Variants in PRKD1 observed in about 807,000 individuals in gnomAD.
PRKD1 encodes the protein protein kinase D1.
Under a neutral mutation model 95.9 loss-of-function variants are expected in PRKD1, and 63 were observed. That is an observed-to-expected ratio of 0.66 (90% CI 0.54 to 0.81). PRKD1 has a LOEUF of 0.81. PRKD1 is among the 30% of genes least tolerant of loss of function. The pLI is 0.00. For missense variants in PRKD1, 1,048 were observed against 1,165.3 expected, an observed-to-expected ratio of 0.90 and a Z score of 1.47; for synonymous variants, 425 against 423.1, an observed-to-expected ratio of 1.00 and a Z score of -0.05.
intron 1 of PRKD1, among the ~76,000 whole-genome samples, chr14:29,844,412 T>G (rs1594571101): frequency 6.6e-6 from 1 of 152,264 alleles, no homozygotes; most frequent in East Asian, 1.9e-4. Context: ...TAAGACAAAA[T>G]AATTGTCTAA....
intron 1 of PRKD1, among the ~76,000 whole-genome samples, chr14:29,772,808 T>G (rs1422367698): frequency 6.6e-6 from 1 of 152,226 alleles, no homozygotes; most frequent in Non-Finnish European, 1.5e-5. Flanking sequence ...CCCATTTCTC[T>G]ATTATCTCCT....
chr14:29,919,722 G>A (rs985269318), intron 1 of PRKD1, among the ~76,000 whole-genome samples: 2 of 145,636 alleles, frequency 1.4e-5, no homozygotes, highest in African/African-American at 2.8e-5. Flanking sequence ...TAGCACTTTG[G>A]AAGGCCGAAG....
intron 2 of PRKD1, among the ~76,000 whole-genome samples, chr14:29,714,414 T>C (rs977200799): frequency 6.6e-6 from 1 of 152,160 alleles, no homozygotes; most frequent in Non-Finnish European, 1.5e-5. Context: ...TGAGATACCA[T>C]CTCACACCAG....
chr14:29,634,651 C>T (rs1356793383), intron 7 of PRKD1, 110 bp from the exon 8 acceptor site: 3 of 1,403,956 alleles, frequency 2.1e-6, no homozygotes, highest in East Asian at 2.3e-5. Context: ...ACAAAATTCA[C>T]ATCTCATGTT....
At chr14:29,837,588 G>A (rs1304526253) in intron 1 of PRKD1, among the ~76,000 whole-genome samples, 13 of 152,150 alleles carry the variant, frequency 8.5e-5, no homozygotes, top group Admixed American at 7.9e-4. Context: ...TATTAAATGA[G>A]TATTTATAAT....
At chr14:29,909,076 G>GC (rs1292550953) in intron 1 of PRKD1, among the ~76,000 whole-genome samples, 2 of 152,174 alleles carry the variant, frequency 1.3e-5, no homozygotes, top group Non-Finnish European at 2.9e-5. Flanking sequence ...GGCTTGGCGG[G>GC]CCCCACACTC....
At chr14:29,876,907 G>A (rs1053403439) in intron 1 of PRKD1, among the ~76,000 whole-genome samples, 10 of 152,050 alleles carry the variant, frequency 6.6e-5, no homozygotes, top group Non-Finnish European at 1.2e-4. Flanking sequence ...ATCCTAGCAC[G>A]TTGGGAGGCC....
At chr14:29,768,709 T>TA (rs558238071) in intron 1 of PRKD1, among the ~76,000 whole-genome samples, 402 of 142,220 alleles carry the variant, frequency 2.8e-3, no homozygotes, top group Middle Eastern at 0.018. Flanking sequence ...TCTCCCTGAT[T>TA]AAAAAAAAAA....
At chr14:29,836,480 G>A in intron 1 of PRKD1, among the ~76,000 whole-genome samples, 1 of 152,294 alleles carries the variant, frequency 6.6e-6, no homozygotes, top group South Asian at 2.1e-4. Flanking sequence ...ATGATGGCAG[G>A]TGACAGGTAA....
chr14:29,808,725 G>C (rs1243722493), intron 1 of PRKD1, among the ~76,000 whole-genome samples: 1 of 151,986 alleles, frequency 6.6e-6, no homozygotes, highest in Non-Finnish European at 1.5e-5. Flanking sequence ...TCTCTTGATA[G>C]TTTAACCACA....
intron 9 of PRKD1, among the ~76,000 whole-genome samples, chr14:29,632,587 C>A (rs559638900): frequency 6.6e-6 from 1 of 152,094 alleles, no homozygotes; most frequent in Non-Finnish European, 1.5e-5. Flanking sequence ...AATCACACTT[C>A]TCTGCTAACA....
intron 4 of PRKD1, among the ~76,000 whole-genome samples, chr14:29,659,241 G>A (rs752922352): frequency 6.2e-4 from 94 of 152,144 alleles, no homozygotes; most frequent in African/African-American, 2.2e-3. Flanking sequence ...TCATATACTG[G>A]ATTCATAAGT....
chr14:29,843,974 T>C (rs1891976079), intron 1 of PRKD1, among the ~76,000 whole-genome samples: 1 of 152,184 alleles, frequency 6.6e-6, no homozygotes, highest in Non-Finnish European at 1.5e-5. Context: ...TGTATAAATA[T>C]AATCTCATTT....
At chr14:29,601,747 G>T (rs1393205408) in intron 13 of PRKD1, among the ~76,000 whole-genome samples, 3 of 152,168 alleles carry the variant, frequency 2.0e-5, no homozygotes, top group East Asian at 3.9e-4. Context: ...TGTTTGATAG[G>T]CACTATGGAA....
intron 1 of PRKD1, among the ~76,000 whole-genome samples, chr14:29,794,901 A>T (rs969393493): frequency 2.6e-5 from 4 of 152,172 alleles, no homozygotes; most frequent in Non-Finnish European, 5.9e-5. Flanking sequence ...GTGAGTTCAT[A>T]AACATCCCTA....
At chr14:29,799,056 G>T in intron 1 of PRKD1, among the ~76,000 whole-genome samples, 1 of 152,190 alleles carries the variant, frequency 6.6e-6, no homozygotes, top group Non-Finnish European at 1.5e-5. Flanking sequence ...TGCTAATTCA[G>T]AATTCTTAAG....
intron 1 of PRKD1, among the ~76,000 whole-genome samples, chr14:29,907,007 A>G (rs142981605): frequency 6.6e-6 from 1 of 152,374 alleles, no homozygotes; most frequent in African/African-American, 2.4e-5. Flanking sequence ...GACAAGTAAA[A>G]TCTTGAAATG....
At chr14:29,879,703 C>A (rs889974704) in intron 1 of PRKD1, among the ~76,000 whole-genome samples, 2 of 152,122 alleles carry the variant, frequency 1.3e-5, no homozygotes, top group African/African-American at 2.4e-5. Flanking sequence ...AAGTTTGGAA[C>A]CTCCTAGAGA....
intron 1 of PRKD1, among the ~76,000 whole-genome samples, chr14:29,911,443 A>G (rs1020800089): frequency 6.6e-6 from 1 of 152,226 alleles, no homozygotes; most frequent in Non-Finnish European, 1.5e-5. Context: ...ACCAATGTAC[A>G]TATCTGAAGT....
Sources: allele counts gnomAD v4.1 joint callset (sites outside exome capture counted in the v4.1 genomes callset), GRCh38; gene constraint gnomAD v4.1.1; transcripts MANE v1.5; gene names NCBI Gene and HGNC (gene_info 2026-07-23, HGNC 2026-07-21).